Variants in SHC4 observed in about 807,000 individuals in gnomAD.
SHC4 encodes the protein SHC-transforming protein 4.
A neutral mutation model predicts 69.4 loss-of-function variants in SHC4; 41 were observed. The observed-to-expected ratio is 0.59, with a 90% confidence interval of 0.46 to 0.77. The LOEUF is 0.77. Ranked by LOEUF, SHC4 falls within the 30% of genes least tolerant of loss-of-function variation. The pLI, the probability that SHC4 is intolerant of heterozygous loss-of-function variation, is 0.00. For synonymous variants in SHC4, 318 were observed against 299.3 expected, an observed-to-expected ratio of 1.06 and a Z score of -0.64; for missense variants, 777 against 783.8, an observed-to-expected ratio of 0.99 and a Z score of 0.10.
At chr15:48,831,567 G>A (rs11629666) in intron 11 of SHC4, among the ~76,000 whole-genome samples, 51,184 of 152,108 alleles carry the variant, frequency 0.34, 10,183 homozygotes, top group Middle Eastern at 0.46. Flanking sequence ...ACAAGCAATA[G>A]GTTATACCAT....
At chr15:48,904,379 C>T (rs1356096362) in intron 2 of SHC4, among the ~76,000 whole-genome samples, 2 of 152,034 alleles carry the variant, frequency 1.3e-5, no homozygotes, top group East Asian at 1.9e-4. Flanking sequence ...GTTGATAAGT[C>T]GCTATAAATT....
intron 2 of SHC4, among the ~76,000 whole-genome samples, chr15:48,901,137 T>C (rs911359628): frequency 2.6e-5 from 4 of 152,196 alleles, no homozygotes; most frequent in Non-Finnish European, 5.9e-5. Flanking sequence ...TTTCCAACCA[T>C]TTAAAAATTG....
intron 1 of SHC4, among the ~76,000 whole-genome samples, chr15:48,959,109 C>T (rs367770589): frequency 2.6e-5 from 4 of 152,070 alleles, no homozygotes; most frequent in Admixed American, 6.6e-5. Context: ...TCTAGCTTAG[C>T]GCAGATGAAA....
In SHC4 at chr15:48,962,900, G is replaced by C; in HGVS notation, c.116C>G (p.Thr39Arg). Residue 39 changes from threonine to arginine, a missense_variant, in exon 1 of 12, where the codon ACG (threonine) becomes AGG (arginine). By Grantham distance (71) the Thr-to-Arg change is moderately conservative (BLOSUM62 -1). Coordinates refer to ENST00000332408, the MANE Select transcript of SHC4 (RefSeq NM_203349.4). ...KYSRFRNESI[T>R]SLDEGSSGGS... ...TCCGGAGCTACCTTCGTCCAAGGAC[G>C]TGATCGACTCGTTCCGAAAGCGGCT... The C allele has an allele frequency of 6.2e-7, 1 of 1,613,410 alleles. No individual in the cohort carries two copies. Among genetic ancestry groups the C allele is most frequent in the Non-Finnish European group, 8.5e-7 (1 of 1,180,034 alleles).
chr15:48,940,771 G>A (rs968716268), intron 1 of SHC4, among the ~76,000 whole-genome samples: 3 of 152,176 alleles, frequency 2.0e-5, no homozygotes, highest in Admixed American at 1.3e-4. Flanking sequence ...AGTCCTAAAT[G>A]AATGGTCAGT....
At chr15:48,831,361 C>T (rs1199885931) in intron 11 of SHC4, among the ~76,000 whole-genome samples, 1 of 152,110 alleles carries the variant, frequency 6.6e-6, no homozygotes, top group Non-Finnish European at 1.5e-5. Context: ...ACCACTCACT[C>T]GCTGGCTCAT....
At chr15:48,883,927 T>C (rs1472657514) in intron 4 of SHC4, among the ~76,000 whole-genome samples, 1 of 152,182 alleles carries the variant, frequency 6.6e-6, no homozygotes, top group Non-Finnish European at 1.5e-5. Context: ...TTGCTATCCA[T>C]TTGGGGAGGG....
At chr15:48,925,009 G>C (rs1900825656) in intron 1 of SHC4, 60 bp from the exon 2 acceptor site, 1 of 1,572,884 alleles carries the variant, frequency 6.4e-7, no homozygotes, top group Admixed American at 1.7e-5. Flanking sequence ...CTGTCTCTTA[G>C]CTTCACGGCA....
chr15:48,841,082 C>T (rs539253512), intron 10 of SHC4, among the ~76,000 whole-genome samples: 26 of 152,228 alleles, frequency 1.7e-4, no homozygotes, highest in African/African-American at 5.8e-4. Context: ...AGTTCCTTTG[C>T]TTGGATTATG....
chr15:48,910,775 T>C (rs1900494920), intron 2 of SHC4, among the ~76,000 whole-genome samples: 1 of 152,270 alleles, frequency 6.6e-6, no homozygotes, highest in South Asian at 2.1e-4. Context: ...ATTATTGTTG[T>C]TCAGTTCAAA....
chr15:48,880,985 A>AGG (rs368901839), intron 4 of SHC4, among the ~76,000 whole-genome samples: 1 of 145,974 alleles, frequency 6.9e-6, no homozygotes, highest in Non-Finnish European at 1.5e-5. Flanking sequence ...TGTGTGTGAG[A>AGG]GTGTGTGTGT....
chr15:48,878,285 A>G (rs1253191769), intron 4 of SHC4: 6 of 1,613,534 alleles, frequency 3.7e-6, no homozygotes, highest in Non-Finnish European at 5.1e-6. Context: ...AGGCAGCGGG[A>G]GCCGGGAGCT....
Position 48,949,320 on chromosome 15 carries a change from T to A in SHC4, c.585+13111A>T, listed in dbSNP as rs147822479. On this transcript the variant is annotated intron_variant, in intron 1 of 11. Coordinates refer to ENST00000332408, the MANE Select transcript of SHC4 (RefSeq NM_203349.4). ...CAGGATGCAGAGCTTGCAGTGAGCC[T>A]AGATCATGCCACTGCACTCCAGCCT... Among the ~76,000 whole-genome samples the A allele has an allele frequency of 3.7e-3, 541 of 146,048 alleles. 9 individuals are homozygous for A. The highest frequency in any genetic ancestry group is 0.034 in the Admixed American group (481 of 14,268).
chr15:48,907,180 A>G (rs17383671), intron 2 of SHC4, among the ~76,000 whole-genome samples: 18,403 of 151,776 alleles, frequency 0.12, 1,470 homozygotes, highest in Non-Finnish European at 0.17. Flanking sequence ...GACCTTACCA[A>G]TGATAACGGT....
intron 1 of SHC4, among the ~76,000 whole-genome samples, chr15:48,927,630 T>C (rs890421604): frequency 3.3e-5 from 5 of 152,146 alleles, no homozygotes; most frequent in African/African-American, 1.2e-4. Flanking sequence ...AGCTCACCCC[T>C]TCAGCTTCAT....
intron 4 of SHC4, among the ~76,000 whole-genome samples, chr15:48,883,642 G>A (rs564098546): frequency 2.6e-5 from 4 of 152,264 alleles, no homozygotes; most frequent in South Asian, 2.1e-4. Context: ...CAATGCCTAC[G>A]TATCTTCTAC....
intron 4 of SHC4, among the ~76,000 whole-genome samples, chr15:48,882,291 T>C (rs1182894769): frequency 6.6e-6 from 1 of 152,058 alleles, no homozygotes; most frequent in African/African-American, 2.4e-5. Flanking sequence ...CTCAAAATAG[T>C]TATTAAAAAT....
At chr15:48,919,295 A>AT (rs386382928) in intron 2 of SHC4, among the ~76,000 whole-genome samples, 1,162 of 71,216 alleles carry the variant, frequency 0.016, 162 homozygotes, top group Admixed American at 0.055. Context: ...ATTTATTTTA[A>AT]TTTTTTTTTT....
intron 2 of SHC4, among the ~76,000 whole-genome samples, chr15:48,898,284 G>A (rs532255053): frequency 1.4e-4 from 22 of 152,304 alleles, no homozygotes; most frequent in African/African-American, 5.3e-4. Flanking sequence ...CACAATGAAC[G>A]CAGTCAGTGC....
Sources: gnomAD v4.1 joint callset for allele counts (sites outside exome capture counted in the v4.1 genomes callset) on GRCh38, gnomAD v4.1.1 for gene constraint, MANE v1.5 for transcripts, NCBI Gene and HGNC (gene_info 2026-07-23, HGNC 2026-07-21) for gene names.